Variants in TTC27 observed in about 807,000 individuals in gnomAD.
TTC27 encodes the protein tetratricopeptide repeat domain 27, also known as tetratricopeptide repeat protein 27.
Under a neutral mutation model 115.9 loss-of-function variants are expected in TTC27, and 79 were observed. The ratio of observed to expected loss-of-function variants is 0.68; its 90% confidence interval spans 0.57 to 0.82. TTC27 has a LOEUF of 0.82. TTC27 is among the 40% of genes least tolerant of loss of function. The pLI is 0.00. For missense variants in TTC27, 1,054 were observed against 993.1 expected, an observed-to-expected ratio of 1.06 and a Z score of -0.82; for synonymous variants, 401 against 356.0, an observed-to-expected ratio of 1.13 and a Z score of -1.42.
chr2:32,727,065 T>G (rs1668134838), intron 10 of TTC27, among the ~76,000 whole-genome samples: 1 of 152,152 alleles, frequency 6.6e-6, no homozygotes, highest in Non-Finnish European at 1.5e-5. Flanking sequence ...ATGTGGGAAT[T>G]CAAGATGAGA....
chr2:32,723,720 CTCCCTCCCTCCT>C (rs1313421163), intron 10 of TTC27, among the ~76,000 whole-genome samples: 9 of 34,790 alleles, frequency 2.6e-4, no homozygotes, highest in Admixed American at 4.4e-4. Flanking sequence ...CCCTCCCTCC[CTCCCTCCCTCCT>C]TCCTTCCTTC....
At chr2:32,651,389 C>T (rs1665119757) in intron 5 of TTC27, among the ~76,000 whole-genome samples, 1 of 152,164 alleles carries the variant, frequency 6.6e-6, no homozygotes, top group Admixed American at 6.5e-5. Flanking sequence ...CTCTGTCATC[C>T]AGGCTGGAGT....
chr2:32,756,977 A>G (rs147353311), intron 12 of TTC27, among the ~76,000 whole-genome samples: 5 of 152,350 alleles, frequency 3.3e-5, no homozygotes, highest in African/African-American at 9.6e-5. Context: ...CTGTGGACAT[A>G]TGAGAATAAT....
intron 15 of TTC27, among the ~76,000 whole-genome samples, chr2:32,785,292 C>T (rs1670308975): frequency 6.6e-6 from 1 of 152,092 alleles, no homozygotes; most frequent in South Asian, 2.1e-4. Flanking sequence ...TTATAATGCT[C>T]AGTATGTGAA....
At chr2:32,777,314 T>A (rs1487545712) in intron 13 of TTC27, among the ~76,000 whole-genome samples, 2 of 152,260 alleles carry the variant, frequency 1.3e-5, no homozygotes, top group African/African-American at 4.8e-5. Flanking sequence ...GGGGGATTGC[T>A]TCCAGGCGTC....
intron 12 of TTC27, among the ~76,000 whole-genome samples, chr2:32,749,468 T>C (rs962846698): frequency 6.6e-6 from 1 of 152,230 alleles, no homozygotes; most frequent in South Asian, 2.1e-4. Flanking sequence ...TAAAATGCCA[T>C]GAAGCTTGCT....
chr2:32,692,036 G>GTTTTTTTTTTTTTTTTTTTTTT lies in TTC27; in HGVS notation c.1120-10766_1120-10745dup, dbSNP rs779547700. 1.9e-3 allele frequency among the ~76,000 whole-genome samples: 119 copies of GTTTTTTTTTTTTTTTTTTTTTT among 61,208 alleles called. 20 individuals are homozygous for GTTTTTTTTTTTTTTTTTTTTTT. The highest frequency in any genetic ancestry group is 2.5e-3 in the Non-Finnish European group (87 of 34,580). 40.2% of individuals were successfully genotyped at this position (61,208 alleles called of 152,430 possible). A position where few individuals can be genotyped will look rare whatever the true frequency, so the allele number is the denominator to read the frequency against. The stretch of plus-strand genomic sequence containing the variant: ...GGGATATTCTTTTTTAATTTTTTAG[G>GTTTTTTTTTTTTTTTTTTTTTT]TTTTTTTTTTTTTTTTTTTTTTTTT... On this transcript the variant is annotated intron_variant, in intron 9 of 19. Coordinates refer to ENST00000317907, the MANE Select transcript of TTC27 (RefSeq NM_017735.5).
intron 10 of TTC27, among the ~76,000 whole-genome samples, chr2:32,716,537 C>G (rs1667757258): frequency 6.6e-6 from 1 of 152,042 alleles, no homozygotes; most frequent in South Asian, 2.1e-4. Context: ...GATTTGTCAA[C>G]TTTTTAGATA....
chr2:32,742,561 T>C (rs1355322080), intron 12 of TTC27, among the ~76,000 whole-genome samples: 1 of 152,196 alleles, frequency 6.6e-6, no homozygotes, highest in African/African-American at 2.4e-5. Context: ...GCTGGGAGTG[T>C]CTGATGGGTG....
intron 16 of TTC27, among the ~76,000 whole-genome samples, chr2:32,792,496 T>TG (rs1670569397): frequency 6.7e-6 from 1 of 149,226 alleles, no homozygotes; most frequent in African/African-American, 2.5e-5. Context: ...TTTTGTTTTT[T>TG]GGTTTTTTTT....
At chr2:32,746,008 T>C (rs1295729230) in intron 12 of TTC27, among the ~76,000 whole-genome samples, 2 of 152,208 alleles carry the variant, frequency 1.3e-5, no homozygotes, top group East Asian at 3.9e-4. Context: ...AGTTTTGTGC[T>C]GAGATAGTCA....
chr2:32,657,613 C>T (rs539648218), intron 5 of TTC27, among the ~76,000 whole-genome samples: 1 of 152,198 alleles, frequency 6.6e-6, no homozygotes, highest in African/African-American at 2.4e-5. Context: ...AAAGGGGTAT[C>T]TGTTTCTTAG....
At chr2:32,756,433 TA>T (rs1194809937) in intron 12 of TTC27, among the ~76,000 whole-genome samples, 1 of 152,242 alleles carries the variant, frequency 6.6e-6, no homozygotes, top group Non-Finnish European at 1.5e-5. Flanking sequence ...TCTAAAACTT[TA>T]TGTTTATTTT....
At chr2:32,728,337 G>A (rs965879855) in intron 10 of TTC27, among the ~76,000 whole-genome samples, 7 of 151,920 alleles carry the variant, frequency 4.6e-5, no homozygotes, top group East Asian at 1.9e-4. Flanking sequence ...CACCGCGCCC[G>A]GCCAGGACTG....
rs1399438873 is a variant in TTC27, at chr2:32,817,547, C to T, written c.2399C>T (p.Ser800Phe). The change falls in exon 19 of 20, where the codon TCT becomes TTT. Residue 800 changes from serine (S) to phenylalanine (F), a missense_variant. By Grantham distance (155) the Ser-to-Phe change is radical. Transcript: ENST00000317907. Reference sequence around the variant, plus strand: ...CGACTCAATTTACGGGGCTTGTTATCTAAAGCAAAGGTGAGAGTGACATGT... The same window carrying T: ...CGACTCAATTTACGGGGCTTGTTATTTAAAGCAAAGGTGAGAGTGACATGT... The part of the protein sequence containing the change: ...SVRLNLRGLL[S>F]KAKQLFTDVA... 3.1e-6 allele frequency: 5 copies of T among 1,613,322 alleles called. No homozygotes were observed. Among genetic ancestry groups the T allele is most frequent in the Non-Finnish European group, 4.2e-6 (5 of 1,179,444 alleles).
At chr2:32,661,365 G>T (rs979720968) in intron 5 of TTC27, among the ~76,000 whole-genome samples, 6 of 152,076 alleles carry the variant, frequency 3.9e-5, no homozygotes, top group African/African-American at 1.4e-4. Flanking sequence ...TGGGCAATAT[G>T]GCCATTTTCA....
At chr2:32,693,054 C>T (rs1666870032) in intron 9 of TTC27, among the ~76,000 whole-genome samples, 1 of 151,882 alleles carries the variant, frequency 6.6e-6, no homozygotes, top group South Asian at 2.1e-4. Context: ...ACGTCTTGTT[C>T]GTGACTTCAT....
intron 4 of TTC27, among the ~76,000 whole-genome samples, chr2:32,643,018 G>A (rs1056082155): frequency 9.9e-5 from 15 of 152,114 alleles, no homozygotes; most frequent in African/African-American, 3.4e-4. Context: ...CGCCCAGGCT[G>A]GAGTACAGTG....
In TTC27 at chr2:32,684,163, GA is replaced by G. The variant is rs562783948; in HGVS notation, c.1119+5247del. Among the ~76,000 whole-genome samples, 299 of 152,104 alleles carry G rather than the reference GA, an allele frequency of 2.0e-3. 2 individuals carry two copies. Among genetic ancestry groups the G allele is most frequent in the African/African-American group, 6.8e-3 (281 of 41,500 alleles). On this transcript the variant is annotated intron_variant, in intron 9 of 19. Coordinates refer to ENST00000317907, the MANE Select transcript of TTC27 (RefSeq NM_017735.5). ...ACAGAGTGAGACTCTGACTCGGGGG[GA>G]AAAAAGTTTGTTTGGTTTTTTGTTC...
Sources: allele counts gnomAD v4.1 joint callset (sites outside exome capture counted in the v4.1 genomes callset), GRCh38; gene constraint gnomAD v4.1.1; transcripts MANE v1.5; gene names NCBI Gene and HGNC (gene_info 2026-07-23, HGNC 2026-07-21).